Variants in ZNF189 observed in about 807,000 individuals in gnomAD.
ZNF189 encodes the protein zinc finger protein 189.
In ZNF189, 33 loss-of-function variants were observed where a neutral mutation model predicts 53.5. The ratio of observed to expected loss-of-function variants is 0.62; its 90% confidence interval spans 0.47 to 0.82. The LOEUF is 0.82. Ranked by LOEUF, ZNF189 falls within the 40% of genes least tolerant of loss-of-function variation. The pLI is 0.00. For synonymous variants in ZNF189, 247 were observed against 238.8 expected (o/e 1.03, Z -0.32); for missense variants, 711 against 753.9 (o/e 0.94, Z 0.67).
chr9:101,403,083 A>G (rs1482471565), intron 2 of ZNF189, among the ~76,000 whole-genome samples: 2 of 143,160 alleles, frequency 1.4e-5, no homozygotes, highest in African/African-American at 5.3e-5. Context: ...GTCTTCAGCC[A>G]TATCAGCTGC....
At chr9:101,401,189 C>T (rs1465794386) in intron 2 of ZNF189, among the ~76,000 whole-genome samples, 2 of 152,136 alleles carry the variant, frequency 1.3e-5, no homozygotes, top group African/African-American at 4.8e-5. Context: ...TAAGTATGGC[C>T]TTTTTCTTCC....
Position 101,408,051 on chromosome 9 carries a change from C to T in ZNF189, c.283C>T (p.Pro95Ser), listed in dbSNP as rs749809299. Residue 95 changes from proline to serine, a missense_variant, in exon 3 of 3, where the codon CCT becomes TCT. Physicochemically the swap from Pro to Ser is moderately conservative, Grantham distance 74. Transcript: ENST00000339664. Reference protein sequence around the residue: ...TRIKSEIDQDPMGRETFELVG... With the variant: ...TRIKSEIDQDSMGRETFELVG... ...AATCAAAAGTGAAATTGACCAGGAT[C>T]CTATGGGTAGAGAAACATTTGAACT... is the stretch of plus-strand genomic sequence containing the variant. 1.1e-5 allele frequency: 18 copies of T among 1,613,958 alleles called. No homozygotes were observed. Among genetic ancestry groups the T allele is most frequent in the Non-Finnish European group, 1.5e-5 (18 of 1,179,978 alleles).
At chr9:101,403,264 C>T (rs1394226672) in intron 2 of ZNF189, among the ~76,000 whole-genome samples, 1 of 152,170 alleles carries the variant, frequency 6.6e-6, no homozygotes, top group African/African-American at 2.4e-5. Flanking sequence ...CAAGGTGTGA[C>T]AGTGTGCCCA....
chr9:101,408,552 TGTA>T lies in ZNF189; in HGVS notation c.787_789del (p.Ser263del), dbSNP rs1564071188. ...TCATACAGGTGAGAAACCCCATAAA[TGTA>T]GTGACTGTGGGAAAGCCTTCAGTTG... On this transcript the variant is annotated inframe_deletion, in exon 3 of 3. Coordinates refer to ENST00000339664, the MANE Select transcript of ZNF189 (RefSeq NM_003452.4). 2 of 1,614,182 alleles carry T rather than the reference TGTA, an allele frequency of 1.2e-6. No homozygotes were observed. The highest frequency in any genetic ancestry group is 3.3e-5 in the Admixed American group (2 of 60,026).
At chr9:101,405,605 A>G (rs993887774) in intron 2 of ZNF189, among the ~76,000 whole-genome samples, 1 of 152,204 alleles carries the variant, frequency 6.6e-6, no homozygotes, top group African/African-American at 2.4e-5. Flanking sequence ...GGGTAACAAT[A>G]ACAAAAGTCA....
At position 101,404,888 on chromosome 9, in the gene ZNF189, C is replaced by T. The variant is rs117681122; in HGVS notation, c.161-3041C>T. Among the ~76,000 whole-genome samples, 60 of 152,164 alleles carry T rather than the reference C, an allele frequency of 3.9e-4. 1 individual carries two copies. In the East Asian group the frequency reaches 0.011, roughly 27 times the overall value. On this transcript the variant is annotated intron_variant, in intron 2 of 2. Coordinates refer to ENST00000339664, the MANE Select transcript of ZNF189 (RefSeq NM_003452.4). ...ATCATAGCAATAATAGAATTATGGT[C>T]GAGGGCTGGTAATAAAAAAATAGAA...
chr9:101,399,125 C>A lies in ZNF189; in HGVS notation c.-32C>A. 1.3e-6 allele frequency: 2 copies of A among 1,554,662 alleles called. No homozygotes were observed. Reference sequence around the variant, plus strand: ...AGAGGCTCCTTTCCGTGAGGCCGCCCCCAATTCCTGCCCCTATTCTCTGCC... The same window carrying A: ...AGAGGCTCCTTTCCGTGAGGCCGCCACCAATTCCTGCCCCTATTCTCTGCC... On this transcript the variant is annotated 5_prime_UTR_variant, in exon 1 of 3. Coordinates refer to ENST00000339664, the MANE Select transcript of ZNF189 (RefSeq NM_003452.4).
chr9:101,407,155 C>G (rs970427441), intron 2 of ZNF189, among the ~76,000 whole-genome samples: 7 of 152,242 alleles, frequency 4.6e-5, no homozygotes, highest in African/African-American at 1.7e-4. Context: ...TCTCTTTATA[C>G]AGGAGCTGCT....
intron 2 of ZNF189, among the ~76,000 whole-genome samples, chr9:101,402,060 C>T (rs969098966): frequency 1.6e-4 from 24 of 152,104 alleles, no homozygotes; most frequent in African/African-American, 2.7e-4. Flanking sequence ...GACAAACAGG[C>T]ATGCACCGCC....
In ZNF189 at chr9:101,409,476, T is replaced by C. The variant is rs139400109; in HGVS notation, c.1708T>C (p.Cys570Arg). ...ACACACAGGAGAGAAACCTTATAAGTGTGAGAAGTGCGACAAAAGTTTCAG... is the reference window on the plus strand; with the variant it reads ...ACACACAGGAGAGAAACCTTATAAGCGTGAGAAGTGCGACAAAAGTTTCAG... ...RIHTGEKPYK[C>R]EKCDKSFSQQ... Residue 570 changes from cysteine to arginine, a missense_variant, in exon 3 of 3, where the codon TGT (cysteine) becomes CGT (arginine). Coordinates refer to ENST00000339664, the MANE Select transcript of ZNF189 (RefSeq NM_003452.4). 10 of 1,614,130 alleles carry C rather than the reference T, an allele frequency of 6.2e-6. No homozygotes were observed. The highest frequency in any genetic ancestry group is 8.5e-6 in the Non-Finnish European group (10 of 1,180,016).
At position 101,409,109 on chromosome 9, in the gene ZNF189, G is replaced by T. The variant is rs1199934745; in HGVS notation, c.1341G>T (p.Gln447His). Residue 447 changes from glutamine (Q) to histidine (H), a missense_variant, in exon 3 of 3, where the codon CAG becomes CAT. Coordinates refer to ENST00000339664, the MANE Select transcript of ZNF189 (RefSeq NM_003452.4). ...FDPNCSLVIQQEVYPKEKSYK... is the reference protein window; with the variant it reads ...FDPNCSLVIQHEVYPKEKSYK... Reference sequence around the variant, plus strand: ...CAAATTGCAGTCTTGTTATACAGCAGGAAGTCTACCCTAAGGAGAAATCTT... The same window carrying T: ...CAAATTGCAGTCTTGTTATACAGCATGAAGTCTACCCTAAGGAGAAATCTT... The T allele has an allele frequency of 6.2e-7, 1 of 1,613,890 alleles. No individual in the cohort carries two copies. Among genetic ancestry groups the T allele is most frequent in the Non-Finnish European group, 8.5e-7 (1 of 1,179,972 alleles).
rs576972996 is a variant in ZNF189, at chr9:101,406,351, C to T, written c.161-1578C>T. Among the ~76,000 whole-genome samples the T allele has an allele frequency of 6.6e-5, 10 of 152,066 alleles. No homozygotes were observed. The East Asian group carries it at 7.7e-4, about 12-fold the overall frequency. On this transcript the variant is annotated intron_variant, in intron 2 of 2. Transcript: ENST00000339664. ...GTGTGTATTGAAGAAAGAGGAAAGA[C>T]GGGATAATTAAGCAAATGCCCAGAG...
At chr9:101,406,548 G>A (rs1382943412) in intron 2 of ZNF189, among the ~76,000 whole-genome samples, 2 of 152,052 alleles carry the variant, frequency 1.3e-5, no homozygotes, top group Non-Finnish European at 2.9e-5. Context: ...TTTGAGAGGG[G>A]ACACTAAAAA....
At position 101,398,910 on chromosome 9, in the gene ZNF189, G is replaced by T. The variant is rs1298242443; in HGVS notation, c.-247G>T. The T allele has an allele frequency of 5.0e-6, 3 of 602,226 alleles. No individual in the cohort carries two copies. In the African/African-American group the frequency reaches 5.6e-5, roughly 11 times the overall value. 37.3% of individuals were successfully genotyped at this position (602,226 alleles called of 1,614,324 possible). A position where few individuals can be genotyped will look rare whatever the true frequency, so the allele number is the denominator to read the frequency against. On this transcript the variant is annotated 5_prime_UTR_variant, in exon 1 of 3. Coordinates refer to ENST00000339664, the MANE Select transcript of ZNF189 (RefSeq NM_003452.4). ...CTGGCAGCGGGGAGGAGGCTCTAGC[G>T]AGGCCTGAAAGGCTGCGTAACCAGG...
intron 2 of ZNF189, among the ~76,000 whole-genome samples, chr9:101,402,383 T>G (rs1344478042): frequency 6.6e-6 from 1 of 152,246 alleles, no homozygotes; most frequent in Non-Finnish European, 1.5e-5. Context: ...CTCATAGGGT[T>G]ATTGTGAGCA....
rs1057186044 is a variant in ZNF189 at position 101,408,145 on chromosome 9, A to G, written c.377A>G (p.Glu126Gly). ...ATACCAAGGGAATCTTTGACCCAGGAACAGAGAATGTTCAGAGAAAACACT... is the reference window on the plus strand; with the variant it reads ...ATACCAAGGGAATCTTTGACCCAGGGACAGAGAATGTTCAGAGAAAACACT... Reference protein sequence around the residue: ...WEIPRESLTQEQRMFRENTNI... With the variant: ...WEIPRESLTQGQRMFRENTNI... The change falls in exon 3 of 3, where the codon GAA becomes GGA. Residue 126 changes from glutamate (E) to glycine (G), a missense_variant. By Grantham distance (98) the Glu-to-Gly change is moderately conservative. Transcript: ENST00000339664. The G allele has an allele frequency of 4.3e-6, 7 of 1,613,998 alleles. No individual in the cohort carries two copies. The African/African-American group carries it at 8.0e-5, about 18-fold the overall frequency.
Position 101,409,025 on chromosome 9 carries a change from G to C in ZNF189, c.1257G>C (p.Gln419His), listed in dbSNP as rs769207512. ...GAAGCTCAGGTCTTATTCAGCATCA[G>C]AGAATTCACACCAGGGAGAAGACTT... is the stretch of plus-strand genomic sequence containing the variant. ...FSRSSGLIQH[Q>H]RIHTREKTYP... Residue 419 changes from glutamine to histidine, a missense_variant, in exon 3 of 3, where the codon CAG becomes CAC. Physicochemically the swap from Gln to His is conservative, Grantham distance 24 (BLOSUM62 0). Coordinates refer to ENST00000339664, the MANE Select transcript of ZNF189 (RefSeq NM_003452.4). The C allele has an allele frequency of 7.4e-6, 12 of 1,613,986 alleles. No homozygotes were observed. Among genetic ancestry groups the C allele is most frequent in the Non-Finnish European group, 1.0e-5 (12 of 1,180,016 alleles).
chr9:101,402,455 A>G lies in ZNF189; in HGVS notation c.160+2445A>G, dbSNP rs565391461. 1.0e-3 allele frequency among the ~76,000 whole-genome samples: 154 copies of G among 152,344 alleles called. 1 individual carries two copies. Among genetic ancestry groups the G allele is most frequent in the African/African-American group, 3.3e-3 (139 of 41,582 alleles). On this transcript the variant is annotated intron_variant, in intron 2 of 2. Coordinates refer to ENST00000339664, the MANE Select transcript of ZNF189 (RefSeq NM_003452.4). ...TAACATGTAGTTAAGAACAATATAA[A>G]TGTTGACTTATATTGTTGTCATCAT...
In ZNF189 at chr9:101,409,302, T is replaced by C. The variant is rs1830847214; in HGVS notation, c.1534T>C (p.Tyr512His). 2 of 1,614,200 alleles carry C rather than the reference T, an allele frequency of 1.2e-6. No individual in the cohort carries two copies. Among genetic ancestry groups the C allele is most frequent in the Non-Finnish European group, 1.7e-6 (2 of 1,180,040 alleles). The stretch of plus-strand genomic sequence containing the variant: ...GAGAATCCACACTGGTGAGAGACCC[T>C]ATCTGTGCAGACAGTGTGGAAAAAG... ...HQRIHTGERP[Y>H]LCRQCGKSFS... Residue 512 changes from tyrosine to histidine, a missense_variant, in exon 3 of 3, where the codon TAT becomes CAT. Physicochemically the swap from Tyr to His is moderately conservative, Grantham distance 83 (BLOSUM62 2). Transcript: ENST00000339664.
Sources: gnomAD v4.1 joint callset for allele counts (sites outside exome capture counted in the v4.1 genomes callset) on GRCh38, gnomAD v4.1.1 for gene constraint, MANE v1.5 for transcripts, NCBI Gene and HGNC (gene_info 2026-07-23, HGNC 2026-07-21) for gene names.